ARMC2: variants seen among roughly 807,000 people sequenced by gnomAD.
ARMC2 encodes the protein armadillo repeat containing 2, also known as armadillo repeat-containing protein 2.
In ARMC2, 67 loss-of-function variants were observed where a neutral mutation model predicts 90.3. The observed-to-expected ratio is 0.74, with a 90% CI of 0.61 to 0.91. The LOEUF (loss-of-function observed/expected upper bound fraction) is 0.91. Among genes scored for constraint, ARMC2 ranks in the 40% least tolerant of loss-of-function variants. The pLI, the probability that ARMC2 is intolerant of heterozygous loss-of-function variation, is 0.00. For synonymous variants in ARMC2, 393 were observed against 393.0 expected (o/e 1.00, Z 0.00); for missense variants, 920 against 1,030.9 (o/e 0.89, Z 1.47).
chr6:108,862,556 C>A (rs1052476601), intron 3 of ARMC2, among the ~76,000 whole-genome samples: 1 of 152,090 alleles, frequency 6.6e-6, no homozygotes, highest in Non-Finnish European at 1.5e-5. Flanking sequence ...TGTCCCCATG[C>A]TACCTGACCT....
chr6:108,970,722 T>C (rs1016953922), intron 17 of ARMC2, among the ~76,000 whole-genome samples: 2 of 151,746 alleles, frequency 1.3e-5, no homozygotes, highest in African/African-American at 4.8e-5. Flanking sequence ...GATCTTGAAC[T>C]CCTGACCTCA....
chr6:108,901,699 G>A (rs1030061358), intron 7 of ARMC2, among the ~76,000 whole-genome samples: 2 of 152,096 alleles, frequency 1.3e-5, no homozygotes, highest in Non-Finnish European at 2.9e-5. Context: ...TTACAGGTGT[G>A]AGCCACTGAG....
At chr6:108,894,940 G>A (rs1231142117) in intron 6 of ARMC2, among the ~76,000 whole-genome samples, 1 of 150,062 alleles carries the variant, frequency 6.7e-6, no homozygotes, top group East Asian at 2.0e-4. Context: ...CTAATTTTTT[G>A]TATTTTTAGT....
At chr6:108,907,933 G>T in intron 8 of ARMC2, 2 of 1,423,968 alleles carry the variant, frequency 1.4e-6, no homozygotes, top group Non-Finnish European at 1.9e-6. Flanking sequence ...TTTTCTGGGG[G>T]TTTTAAACAA....
the ARMC2 span, among the ~76,000 whole-genome samples, chr6:108,997,014 A>G: frequency 9.2e-5 from 14 of 151,862 alleles, no homozygotes; most frequent in Admixed American, 7.9e-4. Flanking sequence ...AAAGAAATGA[A>G]TAAGTAGTTT....
chr6:108,963,840 G>A (rs552807993), intron 15 of ARMC2, among the ~76,000 whole-genome samples: 1 of 152,296 alleles, frequency 6.6e-6, no homozygotes, highest in East Asian at 1.9e-4. Context: ...GCTGCTGGAG[G>A]TTTAGGAACA....
intron 3 of ARMC2, among the ~76,000 whole-genome samples, chr6:108,864,613 G>T (rs1358548276): frequency 1.3e-5 from 2 of 152,048 alleles, no homozygotes; most frequent in Non-Finnish European, 2.9e-5. Flanking sequence ...GTGTGTGTTT[G>T]TGTGTGTGTG....
At chr6:109,025,684 ATTAAAAC>A in the ARMC2 span, among the ~76,000 whole-genome samples, 14 of 152,180 alleles carry the variant, frequency 9.2e-5, no homozygotes, top group East Asian at 2.3e-3. Flanking sequence ...TTTTATAATA[ATTAAAAC>A]TTAAAATTCA....
At chr6:108,896,163 G>A (rs1018457917) in intron 6 of ARMC2, among the ~76,000 whole-genome samples, 11 of 151,932 alleles carry the variant, frequency 7.2e-5, no homozygotes, top group African/African-American at 2.7e-4. Context: ...TTACATTTAC[G>A]TGCTAAAAAC....
chr6:108,935,428 T>C (rs1246006953), intron 11 of ARMC2, among the ~76,000 whole-genome samples: 8 of 151,860 alleles, frequency 5.3e-5, no homozygotes, highest in East Asian at 3.9e-4. Flanking sequence ...AGGAAATGAG[T>C]ATTTATAAGT....
chr6:109,049,258 G>C, the ARMC2 span, among the ~76,000 whole-genome samples: 1 of 152,010 alleles, frequency 6.6e-6, no homozygotes, highest in Admixed American at 6.6e-5. Flanking sequence ...TTTATGATAA[G>C]TAAAATAAGC....
chr6:108,927,203 G>A (rs902730073), intron 10 of ARMC2, among the ~76,000 whole-genome samples: 5 of 152,134 alleles, frequency 3.3e-5, no homozygotes, highest in Admixed American at 1.3e-4. Flanking sequence ...AGGAAATGGG[G>A]AAGTGGAGGA....
intron 10 of ARMC2, among the ~76,000 whole-genome samples, chr6:108,923,730 G>C: frequency 6.6e-6 from 1 of 151,122 alleles, no homozygotes; most frequent in South Asian, 2.1e-4. Context: ...TTGGTGACAA[G>C]TCTCTCAAGA....
chr6:108,851,758 G>A (rs567862104), intron 1 of ARMC2, among the ~76,000 whole-genome samples: 12 of 152,256 alleles, frequency 7.9e-5, no homozygotes, highest in African/African-American at 2.4e-4. Context: ...ACAACATAGT[G>A]AGACCTCATC....
intron 2 of ARMC2, 150 bp downstream of exon 2, chr6:108,854,635 A>G (rs1184984712): frequency 1.6e-5 from 12 of 728,782 alleles, no homozygotes; most frequent in Admixed American, 8.4e-5. Context: ...AGGTACAGAG[A>G]TTTCCCATGT....
chr6:108,859,319 G>C (rs951275777), intron 3 of ARMC2, among the ~76,000 whole-genome samples: 1 of 151,966 alleles, frequency 6.6e-6, no homozygotes, highest in Non-Finnish European at 1.5e-5. Flanking sequence ...TCCTCCTGGG[G>C]AGACGGCTTC....
chr6:109,030,791 T>C, the ARMC2 span, among the ~76,000 whole-genome samples: 7 of 152,328 alleles, frequency 4.6e-5, no homozygotes, highest in Admixed American at 2.6e-4. Context: ...TTGTACAACT[T>C]CTTACAACAA....
chr6:108,851,801 T>C (rs972076192), intron 1 of ARMC2, among the ~76,000 whole-genome samples: 9 of 152,194 alleles, frequency 5.9e-5, no homozygotes, highest in African/African-American at 2.2e-4. Flanking sequence ...TAAAAGATTC[T>C]ATCCACCTTG....
At chr6:109,002,091 A>G in the ARMC2 span, among the ~76,000 whole-genome samples, 2 of 152,202 alleles carry the variant, frequency 1.3e-5, no homozygotes, top group Non-Finnish European at 2.9e-5. Flanking sequence ...ATCATGAAAT[A>G]CTAGAAATCA....
Sources: allele counts gnomAD v4.1 joint callset (sites outside exome capture counted in the v4.1 genomes callset), GRCh38; gene constraint gnomAD v4.1.1; transcripts MANE v1.5; gene names NCBI Gene and HGNC (gene_info 2026-07-23, HGNC 2026-07-21).